Variants in HCFC2 observed in about 807,000 individuals in gnomAD.
The protein encoded by HCFC2 is host cell factor C2.
A neutral mutation model predicts 89.2 loss-of-function variants in HCFC2; 18 were observed. That is an observed-to-expected ratio of 0.20 (90% CI 0.14 to 0.30). The LOEUF is 0.30. Ranked by LOEUF, HCFC2 falls within the 10% of genes least tolerant of loss-of-function variation. The pLI is 1.00. For synonymous variants in HCFC2, 308 were observed against 335.7 expected, an observed-to-expected ratio of 0.92 and a Z score of 0.90; for missense variants, 578 against 956.1, an observed-to-expected ratio of 0.60 and a Z score of 5.21.
intron 9 of HCFC2, among the ~76,000 whole-genome samples, chr12:104,088,813 T>G (rs1883942167): frequency 6.6e-6 from 1 of 152,178 alleles, no homozygotes; most frequent in South Asian, 2.1e-4. Context: ...ATTATATATA[T>G]TCCTATGTTA....
rs116395407 is a variant in HCFC2 at position 104,067,604 on chromosome 12, T to G, written c.313-343T>G. Among the ~76,000 whole-genome samples the G allele has an allele frequency of 3.3e-3, 496 of 152,378 alleles. 4 individuals are homozygous for G. The highest frequency in any genetic ancestry group is 0.011 in the African/African-American group (475 of 41,588). On this transcript the variant is annotated intron_variant, in intron 2 of 14. Coordinates refer to ENST00000229330, the MANE Select transcript of HCFC2 (RefSeq NM_013320.3). ...AATATTTACCATTCATGGATTACCT[T>G]TTTTCAGAAAGTAAGAATATATAAA...
At chr12:104,087,468 T>TATATATATATATGTGTATATATATATAC (rs1566232417) in intron 8 of HCFC2, among the ~76,000 whole-genome samples, 9 of 268 alleles carry the variant, frequency 0.034, no homozygotes, top group African/African-American at 0.096. Context: ...TATATATACA[T>TATATATATATATGTGTATATATATATAC]ATATATATAT....
rs75412715 is a variant in HCFC2 at position 104,072,523 on chromosome 12, A to G, written c.473+4416A>G. Among the ~76,000 whole-genome samples the G allele has an allele frequency of 5.0e-3, 757 of 152,124 alleles. 25 individuals carry two copies. The highest frequency in any genetic ancestry group is 0.046 in the Admixed American group (710 of 15,282). ...ATGGGATGTTTCTCCATTTATTTAA[A>G]TCTTTTAAATTTTCTCTCAGCAATA... On this transcript the variant is annotated intron_variant, in intron 3 of 14. Transcript: ENST00000229330.
rs761578497 is a variant in HCFC2, at chr12:104,093,425, G to A, written c.1324G>A (p.Ala442Thr). ...TINSTKTEQP[A>T]TKETSMKNKP... ...AAACAGCACAAAAACTGAACAGCCA[G>A]CCACAAAAGAAACTTCAATGAAAAA... Residue 442 changes from alanine (A) to threonine (T), a missense_variant, in exon 10 of 15, where the codon GCC becomes ACC. Physicochemically the swap from Ala to Thr is moderately conservative, Grantham distance 58. Transcript: ENST00000229330. The A allele has an allele frequency of 6.2e-7, 1 of 1,613,164 alleles. No homozygotes were observed. Among genetic ancestry groups the A allele is most frequent in the Non-Finnish European group, 8.5e-7 (1 of 1,179,628 alleles).
At chr12:104,090,721 G>T (rs1883998026) in intron 9 of HCFC2, among the ~76,000 whole-genome samples, 1 of 150,500 alleles carries the variant, frequency 6.6e-6, no homozygotes, top group South Asian at 2.2e-4. Flanking sequence ...GTTTTAGTCT[G>T]CTCTTTGTTA....
chr12:104,079,637 A>G lies in HCFC2; in HGVS notation c.666A>G (p.Leu222=). 1 of 1,613,950 alleles carries G rather than the reference A, an allele frequency of 6.2e-7. No individual in the cohort carries two copies. Among genetic ancestry groups the G allele is most frequent in the Non-Finnish European group, 8.5e-7 (1 of 1,179,874 alleles). The change falls in exon 4 of 15, where the codon CTA becomes CTG. Residue 222 remains leucine, a synonymous_variant. Coordinates refer to ENST00000229330, the MANE Select transcript of HCFC2 (RefSeq NM_013320.3). ...TGTGTGGTGCTCGCCTGGATGACCT[A>G]TGGCAGCTTGACTTAGGTAAGTTTA... ...GGMCGARLDD[L]WQLDLETMSW...
rs772269373 is a variant in HCFC2, at chr12:104,096,427, G to A, written c.1734G>A (p.Pro578=). Residue 578 remains proline, a synonymous_variant, in exon 12 of 15, where the codon CCG becomes CCA. Transcript: ENST00000229330. ...SRVETHATAT[P]FSKETPSNPV... ...TAGAGACACATGCTACAGCAACGCCGTTTTCTGTAAGTACATGACCTGGTG... is the reference window on the plus strand; with the variant it reads ...TAGAGACACATGCTACAGCAACGCCATTTTCTGTAAGTACATGACCTGGTG... 3.1e-5 allele frequency: 49 copies of A among 1,604,850 alleles called. No homozygotes were observed. Among genetic ancestry groups the A allele is most frequent in the East Asian group, 4.5e-5 (2 of 44,812 alleles).
chr12:104,082,718 A>G lies in HCFC2; in HGVS notation c.880A>G (p.Thr294Ala), dbSNP rs1461350000. ...SSFSYLNLDT[T>A]EWTTLVSDSQ... ...GGATATTTCTATCTTTTCAGATACA[A>G]CAGAGTGGACCACCCTAGTATCAGA... Residue 294 changes from threonine to alanine, a missense_variant, in exon 7 of 15, where the codon ACA (threonine) becomes GCA (alanine). Physicochemically the swap from Thr to Ala is moderately conservative, Grantham distance 58 (BLOSUM62 0). Transcript: ENST00000229330. 6.2e-7 allele frequency: 1 copy of G among 1,611,122 alleles called. No homozygotes were observed. Among genetic ancestry groups the G allele is most frequent in the Non-Finnish European group, 8.5e-7 (1 of 1,178,988 alleles).
chr12:104,088,049 A>T lies in HCFC2; in HGVS notation c.1284+11A>T. On this transcript the variant is annotated intron_variant, in intron 9 of 14. Transcript: ENST00000229330. ...ATCGTTCCTAACAGTGTAAGTAAAA[A>T]AGTGTATGAAGGTAATTGGATGTTT... 1 of 1,583,524 alleles carries T rather than the reference A, an allele frequency of 6.3e-7. No individual in the cohort carries two copies. Among genetic ancestry groups the T allele is most frequent in the Non-Finnish European group, 8.6e-7 (1 of 1,156,082 alleles).
At chr12:104,083,010 G>T in intron 7 of HCFC2, 109 bp downstream of exon 7, 1 of 733,584 alleles carries the variant, frequency 1.4e-6, no homozygotes, top group Non-Finnish European at 2.2e-6. Context: ...CCATAATTAA[G>T]TATGAATGGA....
chr12:104,079,769 C>A (rs367949684), intron 4 of HCFC2, 116 bp downstream of exon 4: 45 of 757,340 alleles, frequency 5.9e-5, no homozygotes, highest in African/African-American at 5.4e-4. Flanking sequence ...GCACTTGTAG[C>A]CCCAGGGACA....
In HCFC2 at chr12:104,075,584, G is replaced by T. The variant is rs189005258; in HGVS notation, c.474-3861G>T. 1.8e-3 allele frequency among the ~76,000 whole-genome samples: 271 copies of T among 151,130 alleles called. 1 individual carries two copies. Among genetic ancestry groups the T allele is most frequent in the African/African-American group, 6.3e-3 (260 of 41,122 alleles). ...AGCTATACTCCCACCTCAGCCTTCTGAGTAGCTAGGACTAGAGGCACATGC... is the reference window on the plus strand; with the variant it reads ...AGCTATACTCCCACCTCAGCCTTCTTAGTAGCTAGGACTAGAGGCACATGC... On this transcript the variant is annotated intron_variant, in intron 3 of 14. Coordinates refer to ENST00000229330, the MANE Select transcript of HCFC2 (RefSeq NM_013320.3).
Position 104,096,496 on chromosome 12 carries a change from C to A in HCFC2, c.1740+63C>A, listed in dbSNP as rs2136626741. On this transcript the variant is annotated intron_variant, in intron 12 of 14. Coordinates refer to ENST00000229330, the MANE Select transcript of HCFC2 (RefSeq NM_013320.3). ...TGATTATGTACTTTTAAATGCTGAG[C>A]AACTTCTAAATAATTTCATAAAAAG... The A allele has an allele frequency of 6.4e-6, 7 of 1,092,636 alleles. 1 individual carries two copies. The East Asian group carries it at 1.4e-4, about 22-fold the overall frequency. The allele number at this position is 1,092,636 out of a possible 1,614,324, so 67.7% of individuals were successfully genotyped here.
At chr12:104,088,761 T>C (rs1452334570) in intron 9 of HCFC2, among the ~76,000 whole-genome samples, 1 of 152,200 alleles carries the variant, frequency 6.6e-6, no homozygotes, top group Admixed American at 6.5e-5. Flanking sequence ...GTAAAGCTCA[T>C]ACAGTTTGTA....
At chr12:104,069,555 G>A (rs1036916359) in intron 3 of HCFC2, among the ~76,000 whole-genome samples, 2 of 149,496 alleles carry the variant, frequency 1.3e-5, no homozygotes, top group Admixed American at 6.7e-5. Flanking sequence ...TCACATATGA[G>A]ATCATGCAAT....
chr12:104,079,411 T>G, intron 3 of HCFC2, 34 bp from the exon 4 acceptor site: 1 of 1,458,142 alleles, frequency 6.9e-7, no homozygotes, highest in South Asian at 1.2e-5. Flanking sequence ...GTATATATTA[T>G]CTGAATGTTT....
Position 104,095,298 on chromosome 12 carries a change from A to G in HCFC2, c.1463-62A>G, listed in dbSNP as rs1884140733. On this transcript the variant is annotated intron_variant, in intron 10 of 14. Coordinates refer to ENST00000229330, the MANE Select transcript of HCFC2 (RefSeq NM_013320.3). This position sits in a 1 kb window ranked among gnomAD's most constrained non-coding sequence, Gnocchi z 4.2. ...TACCAAGAATCATATGACAAGAACG[A>G]TAAGACACAACAATTATCTGCAGAT... The G allele has an allele frequency of 2.3e-6, 3 of 1,282,736 alleles. No homozygotes were observed. Among genetic ancestry groups the G allele is most frequent in the East Asian group, 4.7e-5 (2 of 42,718 alleles). 79.5% of individuals were successfully genotyped at this position (1,282,736 alleles called of 1,614,324 possible).
intron 14 of HCFC2, among the ~76,000 whole-genome samples, chr12:104,102,456 C>CCT (rs943771989): frequency 2.6e-5 from 4 of 152,116 alleles, no homozygotes; most frequent in African/African-American, 9.7e-5. Context: ...TTTTCCTGAT[C>CCT]CTCTCCCTCT....
chr12:104,095,539 A>G lies in HCFC2; in HGVS notation c.1642A>G (p.Thr548Ala). The change falls in exon 11 of 15, where the codon ACA becomes GCA. Residue 548 changes from threonine (T) to alanine (A), a missense_variant. By Grantham distance (58) the Thr-to-Ala change is moderately conservative. Coordinates refer to ENST00000229330, the MANE Select transcript of HCFC2 (RefSeq NM_013320.3). The surrounding 1 kb of genome is among the most constrained non-coding windows in gnomAD (Gnocchi z 4.2). Reference sequence around the variant, plus strand: ...AGTTGTTAAAGATGAAACTTCACTAACAACATTCAGTACCAAATCTGAAGG... The same window carrying G: ...AGTTGTTAAAGATGAAACTTCACTAGCAACATTCAGTACCAAATCTGAAGG... ...GAVVKDETSL[T>A]TFSTKSEVDE... is the part of the protein sequence containing the mutation. 1 of 1,613,414 alleles carries G rather than the reference A, an allele frequency of 6.2e-7. No homozygotes were observed. The highest frequency in any genetic ancestry group is 8.5e-7 in the Non-Finnish European group (1 of 1,179,492).
Sources: gnomAD v4.1 joint callset for allele counts (sites outside exome capture counted in the v4.1 genomes callset) on GRCh38, gnomAD v4.1.1 for gene constraint, Gnocchi (gnomAD v3.1) non-coding constraint, MANE v1.5 for transcripts, NCBI Gene and HGNC (gene_info 2026-07-23, HGNC 2026-07-21) for gene names.